The following ASTN2 variants were observed in gnomAD, a reference collection of about 807,000 sequenced individuals.
The protein encoded by ASTN2 is astrotactin 2.
ASTN2 carries 54 observed loss-of-function variants against 139.8 expected under a neutral mutation model. The observed-to-expected ratio is 0.39, with a 90% CI of 0.31 to 0.48. ASTN2 has a LOEUF of 0.48. ASTN2 is among the 20% of genes least tolerant of loss of function. The pLI is 0.95. For missense variants in ASTN2, 1,565 were observed against 1,725.1 expected (o/e 0.91, Z 1.64); for synonymous variants, 756 against 719.5 (o/e 1.05, Z -0.81).
chr9:116,795,414 A>G (rs1830664490), intron 13 of ASTN2, among the ~76,000 whole-genome samples: 1 of 152,326 alleles, frequency 6.6e-6, no homozygotes, highest in Middle Eastern at 3.4e-3. Context: ...TCCTAATAAG[A>G]TGTGTTTCAT....
At chr9:117,189,840 T>C (rs1831300963) in intron 3 of ASTN2, among the ~76,000 whole-genome samples, 1 of 152,200 alleles carries the variant, frequency 6.6e-6, no homozygotes, top group Non-Finnish European at 1.5e-5. Flanking sequence ...AAGAGAGTGG[T>C]ATCCTTTCCT....
chr9:116,761,667 G>A (rs1470637064), intron 13 of ASTN2, among the ~76,000 whole-genome samples: 3 of 152,146 alleles, frequency 2.0e-5, no homozygotes, highest in African/African-American at 7.2e-5. Context: ...AAGACAAGGG[G>A]TGGGAACAGT....
intron 1 of ASTN2, among the ~76,000 whole-genome samples, chr9:117,371,728 T>C (rs535889473): frequency 6.6e-6 from 1 of 152,208 alleles, no homozygotes; most frequent in Non-Finnish European, 1.5e-5. Context: ...CATAAAATTG[T>C]TATTATTGCT....
chr9:117,414,804 C>T lies in ASTN2; in HGVS notation c.135G>A (p.Pro45=). Residue 45 remains proline (P), a synonymous_variant, in exon 1 of 23, where the codon CCG becomes CCA. Coordinates refer to ENST00000313400, the MANE Select transcript of ASTN2 (RefSeq NM_001365068.1). This position sits in a 1 kb window ranked among gnomAD's most constrained non-coding sequence, Gnocchi z 4.2. Reference sequence around the variant, plus strand: ...CGGCGGTGGCGCCGGCCAGCAGCGGCGGCGGCGGCAGCAGGAGCAGGAACA... The same window carrying T: ...CGGCGGTGGCGCCGGCCAGCAGCGGTGGCGGCGGCAGCAGGAGCAGGAACA... The part of the protein sequence containing the change: ...LLLFLLLLPP[P]PLLAGATAAA... 4 of 1,229,018 alleles carry T rather than the reference C, an allele frequency of 3.3e-6. No homozygotes were observed. The highest frequency in any genetic ancestry group is 3.0e-6 in the Non-Finnish European group (3 of 985,152). The allele number at this position is 1,229,018 out of a possible 1,614,324, so 76.1% of individuals were successfully genotyped here.
chr9:117,037,516 G>A (rs1331613139), intron 6 of ASTN2, among the ~76,000 whole-genome samples: 4 of 152,178 alleles, frequency 2.6e-5, no homozygotes, highest in South Asian at 2.1e-4. Flanking sequence ...CTTGGCTATC[G>A]AAGAGGCAGA....
intron 10 of ASTN2, among the ~76,000 whole-genome samples, chr9:116,909,466 G>A (rs1375200619): frequency 6.6e-6 from 1 of 152,234 alleles, no homozygotes; most frequent in Non-Finnish European, 1.5e-5. Context: ...AATTTCCAGT[G>A]TAGGGAAAAC....
At chr9:117,269,418 T>C (rs981335585) in intron 2 of ASTN2, among the ~76,000 whole-genome samples, 11 of 152,216 alleles carry the variant, frequency 7.2e-5, no homozygotes, top group African/African-American at 2.7e-4. Flanking sequence ...TCTTCTCCTC[T>C]ATTTCTGCGC....
chr9:116,470,651 C>T (rs1407055470), intron 20 of ASTN2, among the ~76,000 whole-genome samples: 1 of 152,136 alleles, frequency 6.6e-6, no homozygotes, highest in Non-Finnish European at 1.5e-5. Context: ...CTTTTATTTG[C>T]ACTCCAAAGT....
chr9:116,746,977 A>T (rs1051700797), intron 13 of ASTN2, among the ~76,000 whole-genome samples: 4 of 152,206 alleles, frequency 2.6e-5, no homozygotes, highest in Non-Finnish European at 5.9e-5. Flanking sequence ...TAGGGGAGAC[A>T]ATCCATTCAG....
intron 22 of ASTN2, among the ~76,000 whole-genome samples, chr9:116,431,320 G>A (rs1847489699): frequency 6.6e-6 from 1 of 152,174 alleles, no homozygotes; most frequent in Non-Finnish European, 1.5e-5. Context: ...TTGAGCTTAA[G>A]TGTCTCTGTG....
Position 116,425,493 on chromosome 9 carries a change from G to C in ASTN2, c.*358C>G. ...TCCAGGGGTCCATGGCAGGAAGAAA[G>C]CAGAGTGTGGCAGGAAGAAGGAAGA... On this transcript the variant is annotated 3_prime_UTR_variant, in exon 23 of 23. Transcript: ENST00000313400. 6.9e-7 allele frequency: 1 copy of C among 1,443,032 alleles called. No individual in the cohort carries two copies. The highest frequency in any genetic ancestry group is 1.2e-5 in the South Asian group (1 of 84,132). 89.4% of individuals were successfully genotyped at this position (1,443,032 alleles called of 1,614,324 possible).
At chr9:116,469,327 T>C (rs917457688) in intron 20 of ASTN2, among the ~76,000 whole-genome samples, 1 of 151,790 alleles carries the variant, frequency 6.6e-6, no homozygotes, top group Non-Finnish European at 1.5e-5. Context: ...CCATAGTCCA[T>C]GATCTATATG....
At chr9:117,033,610 T>G (rs529753241) in intron 6 of ASTN2, among the ~76,000 whole-genome samples, 4 of 152,122 alleles carry the variant, frequency 2.6e-5, no homozygotes, top group Non-Finnish European at 5.9e-5. Context: ...CCCATATATC[T>G]GTCTAGTTTT....
intron 19 of ASTN2, chr9:116,552,002 T>TACATAC (rs1209791834): frequency 6.7e-6 from 1 of 149,828 alleles, no homozygotes; most frequent in Non-Finnish European, 1.5e-5. Context: ...CATATACATA[T>TACATAC]ACATATACAT....
intron 19 of ASTN2, among the ~76,000 whole-genome samples, chr9:116,532,187 TC>T (rs1203207133): frequency 6.6e-6 from 1 of 152,256 alleles, no homozygotes; most frequent in Non-Finnish European, 1.5e-5. Context: ...TCTGTTCACA[TC>T]CTTTGCCCAC....
intron 16 of ASTN2, among the ~76,000 whole-genome samples, chr9:116,724,798 T>G (rs1228184600): frequency 6.6e-6 from 1 of 152,238 alleles, no homozygotes; most frequent in Non-Finnish European, 1.5e-5. Context: ...AGAGACTTTC[T>G]TTTACAAATA....
chr9:116,676,454 G>A (rs1276828766), intron 16 of ASTN2, among the ~76,000 whole-genome samples: 1 of 152,162 alleles, frequency 6.6e-6, no homozygotes, highest in Non-Finnish European at 1.5e-5. Context: ...AGGCAGTTTG[G>A]CAGGCTGGTC....
chr9:117,320,689 C>T lies in ASTN2; in HGVS notation c.443-29176G>A, dbSNP rs117676535. Among the ~76,000 whole-genome samples the T allele has an allele frequency of 5.1e-3, 769 of 152,258 alleles. 3 individuals carry two copies. Among genetic ancestry groups the T allele is most frequent in the South Asian group, 0.012 (60 of 4,818 alleles). On this transcript the variant is annotated intron_variant, in intron 1 of 22. Coordinates refer to ENST00000313400, the MANE Select transcript of ASTN2 (RefSeq NM_001365068.1). ...TTCAAGGCACTCTGGGGAGCATTCACGGACTCTGAGCAGCACTGTCACATG... is the reference window on the plus strand; with the variant it reads ...TTCAAGGCACTCTGGGGAGCATTCATGGACTCTGAGCAGCACTGTCACATG...
intron 12 of ASTN2, among the ~76,000 whole-genome samples, chr9:116,806,142 A>C (rs977050334): frequency 7.2e-5 from 11 of 152,226 alleles, no homozygotes; most frequent in African/African-American, 2.7e-4. Context: ...ACCAATTCAC[A>C]GGGAATCATC....
Sources: allele counts gnomAD v4.1 joint callset (sites outside exome capture counted in the v4.1 genomes callset), GRCh38; gene constraint gnomAD v4.1.1; non-coding constraint Gnocchi (gnomAD v3.1); transcripts MANE v1.5; gene names NCBI Gene and HGNC (gene_info 2026-07-23, HGNC 2026-07-21).